ABCB5: variants seen among roughly 807,000 people sequenced by gnomAD.
The protein encoded by ABCB5 is ATP-binding cassette sub-family B member 5.
In ABCB5, 155 loss-of-function variants were observed where a neutral mutation model predicts 144.2. That is an observed-to-expected ratio of 1.08 (90% CI 0.94 to 1.23). The LOEUF (loss-of-function observed/expected upper bound fraction) is 1.23. ABCB5 is among the 50% of genes most tolerant of loss of function. The pLI is 0.00. For synonymous variants in ABCB5, 610 were observed against 528.6 expected, an observed-to-expected ratio of 1.15 and a Z score of -2.11; for missense variants, 1,830 against 1,520.8, an observed-to-expected ratio of 1.20 and a Z score of -3.38.
At chr7:20,730,952 T>C (rs932312715) in intron 23 of ABCB5, among the ~76,000 whole-genome samples, 3 of 152,194 alleles carry the variant, frequency 2.0e-5, no homozygotes, top group African/African-American at 7.2e-5. Context: ...ATATTCATAC[T>C]AATGTACGAG....
chr7:20,681,472 G>C (rs79454537), intron 14 of ABCB5, 33 bp from the exon 15 acceptor site: 1 of 1,609,650 alleles, frequency 6.2e-7, no homozygotes, highest in South Asian at 1.1e-5. Context: ...TTCTACTAAT[G>C]TCTATTTATT....
intron 20 of ABCB5, among the ~76,000 whole-genome samples, chr7:20,707,834 C>T (rs189380660): frequency 1.6e-5 from 2 of 123,384 alleles, no homozygotes; most frequent in Admixed American, 1.9e-4. Flanking sequence ...GAGACGGGGT[C>T]TCGCTCTCGC....
chr7:20,722,318 G>T (rs529137416), intron 20 of ABCB5, among the ~76,000 whole-genome samples: 1 of 152,236 alleles, frequency 6.6e-6, no homozygotes, highest in South Asian at 2.1e-4. Flanking sequence ...AGAAGACAAA[G>T]GAAATCCTGT....
chr7:20,735,565 C>T (rs1243832046), intron 23 of ABCB5, among the ~76,000 whole-genome samples: 1 of 152,140 alleles, frequency 6.6e-6, no homozygotes, highest in Non-Finnish European at 1.5e-5. Context: ...CTGGCTCCTC[C>T]CCAGAGATTA....
chr7:20,752,725 T>A (rs2128057981), intron 26 of ABCB5, among the ~76,000 whole-genome samples: 1 of 152,314 alleles, frequency 6.6e-6, no homozygotes, highest in South Asian at 2.1e-4. Context: ...TGGGCACCTG[T>A]AATCCCAGCT....
chr7:20,627,285 A>G (rs1783930465), intron 3 of ABCB5, among the ~76,000 whole-genome samples: 1 of 152,196 alleles, frequency 6.6e-6, no homozygotes, highest in African/African-American at 2.4e-5. Flanking sequence ...GACAAACTTT[A>G]TCAAGGAGAT....
intron 11 of ABCB5, 116 bp downstream of exon 11, chr7:20,648,194 G>T (rs1297159670): frequency 1.1e-5 from 7 of 656,190 alleles, no homozygotes; most frequent in African/African-American, 7.4e-5. Flanking sequence ...TGGCTACTTT[G>T]CTTAGAGACT....
At position 20,689,377 on chromosome 7, in the gene ABCB5, A is replaced by G. The variant is rs181102975; in HGVS notation, c.2010+3541A>G. Among the ~76,000 whole-genome samples, 44 of 152,146 alleles carry G rather than the reference A, an allele frequency of 2.9e-4. No individual in the cohort carries two copies. The South Asian group carries it at 6.4e-3, about 22-fold the overall frequency. ...TCTGCCCTCAAGGGTGGCAAGGGAG[A>G]CCTTCCACAGGACGGTGCTGAGCTT... On this transcript the variant is annotated intron_variant, in intron 16 of 27. Coordinates refer to ENST00000404938, the MANE Select transcript of ABCB5 (RefSeq NM_001163941.2).
At chr7:20,689,929 A>G (rs1298357229) in intron 16 of ABCB5, among the ~76,000 whole-genome samples, 4 of 152,160 alleles carry the variant, frequency 2.6e-5, no homozygotes, top group Non-Finnish European at 5.9e-5. Flanking sequence ...GGGGGTCCCA[A>G]TGACTAACGA....
chr7:20,710,414 A>G (rs1786991733), intron 20 of ABCB5, among the ~76,000 whole-genome samples: 1 of 146,886 alleles, frequency 6.8e-6, no homozygotes, highest in African/African-American at 2.5e-5. Flanking sequence ...TTTCAATAAA[A>G]CTTTATTTAC....
Position 20,643,244 on chromosome 7 carries a change from T to A in ABCB5, c.375T>A (p.Ile125=). 1 of 1,613,754 alleles carries A rather than the reference T, an allele frequency of 6.2e-7. No homozygotes were observed. The highest frequency in any genetic ancestry group is 8.5e-7 in the Non-Finnish European group (1 of 1,179,778). Residue 125 remains isoleucine, a synonymous_variant, in exon 6 of 28, where the codon ATT becomes ATA. Coordinates refer to ENST00000404938, the MANE Select transcript of ABCB5 (RefSeq NM_001163941.2). ...CCTTGATTTTTGGTTACATACAGAT[T>A]TCCTTGTGGATTATAACTGCAGCAC... ...VAALIFGYIQ[I]SLWIITAARQ... is the part of the protein sequence containing the mutation.
chr7:20,736,280 T>C (rs2128053594), intron 23 of ABCB5, among the ~76,000 whole-genome samples: 1 of 152,250 alleles, frequency 6.6e-6, no homozygotes, highest in South Asian at 2.1e-4. Context: ...TGCAGTGACG[T>C]GATCTCAGCT....
intron 9 of ABCB5, among the ~76,000 whole-genome samples, chr7:20,646,919 C>T (rs1459459162): frequency 1.3e-5 from 2 of 152,144 alleles, no homozygotes; most frequent in Non-Finnish European, 2.9e-5. Flanking sequence ...CTCATCCTTG[C>T]TCCTCAATTT....
intron 14 of ABCB5, among the ~76,000 whole-genome samples, chr7:20,665,151 A>G (rs1785132319): frequency 6.6e-6 from 1 of 152,178 alleles, no homozygotes; most frequent in South Asian, 2.1e-4. Flanking sequence ...CAGAGTTTAC[A>G]TTTTGAAAGT....
At chr7:20,645,685 C>A in intron 7 of ABCB5, 71 bp from the exon 8 acceptor site, 1 of 1,534,324 alleles carries the variant, frequency 6.5e-7, no homozygotes, top group Non-Finnish European at 8.8e-7. Flanking sequence ...TCAAATTCTG[C>A]CTGACTTAAA....
intron 20 of ABCB5, among the ~76,000 whole-genome samples, chr7:20,718,786 T>A (rs1238547561): frequency 6.6e-6 from 1 of 152,202 alleles, no homozygotes; most frequent in African/African-American, 2.4e-5. Flanking sequence ...GTTACTATAA[T>A]CATTTATTTT....
In ABCB5 at chr7:20,681,634, C is replaced by G. The variant is rs750847169; in HGVS notation, c.1837C>G (p.Arg613Gly). The part of the protein sequence containing the change: ...KGAHAELMAK[R>G]GLYYSLVMSQ... Reference sequence around the variant, plus strand: ...AGCACATGCTGAACTAATGGCAAAACGAGGTCTATATTATTCACTTGTGAT... The same window carrying G: ...AGCACATGCTGAACTAATGGCAAAAGGAGGTCTATATTATTCACTTGTGAT... Residue 613 changes from arginine (R) to glycine (G), a missense_variant, in exon 15 of 28, where the codon CGA (arginine) becomes GGA (glycine). Transcript: ENST00000404938. 2 of 1,614,024 alleles carry G rather than the reference C, an allele frequency of 1.2e-6. No individual in the cohort carries two copies. The highest frequency in any genetic ancestry group is 1.7e-6 in the Non-Finnish European group (2 of 1,180,002).
chr7:20,646,944 A>G (rs542483737), intron 9 of ABCB5, among the ~76,000 whole-genome samples: 2 of 152,338 alleles, frequency 1.3e-5, no homozygotes, highest in South Asian at 2.1e-4. Context: ...GTGGCTGGGT[A>G]TCTGGCTTAC....
chr7:20,705,294 A>G (rs1786784322), intron 20 of ABCB5, among the ~76,000 whole-genome samples: 1 of 152,224 alleles, frequency 6.6e-6, no homozygotes, highest in Admixed American at 6.5e-5. Flanking sequence ...AATCATGACC[A>G]GTAATATGCA....
Sources: gnomAD v4.1 joint callset for allele counts (sites outside exome capture counted in the v4.1 genomes callset) on GRCh38, gnomAD v4.1.1 for gene constraint, MANE v1.5 for transcripts, NCBI Gene and HGNC (gene_info 2026-07-23, HGNC 2026-07-21) for gene names.